Variants in TAFA2 observed in about 807,000 individuals in gnomAD.
TAFA2 encodes TAFA chemokine like family member 2.
Under a neutral mutation model 18.8 loss-of-function variants are expected in TAFA2, and 7 were observed. That is an observed-to-expected ratio of 0.37 (90% CI 0.21 to 0.70). The LOEUF is 0.70. TAFA2 is among the 30% of genes least tolerant of loss of function. The pLI, the probability that TAFA2 is intolerant of heterozygous loss-of-function variation, is 0.53. For missense variants in TAFA2, 122 were observed against 158.1 expected, an observed-to-expected ratio of 0.77 and a Z score of 1.23; for synonymous variants, 60 against 54.2, an observed-to-expected ratio of 1.11 and a Z score of -0.47.
At chr12:62,235,416 G>T in intron 1 of TAFA2, 1 of 655,300 alleles carries the variant, frequency 1.5e-6, no homozygotes, top group Non-Finnish European at 2.8e-6. Context: ...TTCAAGATGG[G>T]TGCTGAGTTC....
intron 1 of TAFA2, among the ~76,000 whole-genome samples, chr12:61,881,548 G>GA (rs1253341563): frequency 6.6e-6 from 1 of 152,242 alleles, no homozygotes; most frequent in Admixed American, 6.5e-5. Flanking sequence ...TGACTGTACA[G>GA]AAAAAACTGA....
intron 4 of TAFA2, among the ~76,000 whole-genome samples, chr12:61,743,983 T>C (rs1868577964): frequency 6.6e-6 from 1 of 152,034 alleles, no homozygotes; most frequent in East Asian, 1.9e-4. Flanking sequence ...TCCTACGAGG[T>C]GCCATTTTTC....
At chr12:61,819,249 T>C (rs1347087033) in intron 2 of TAFA2, among the ~76,000 whole-genome samples, 2 of 152,188 alleles carry the variant, frequency 1.3e-5, no homozygotes, top group Non-Finnish European at 2.9e-5. Context: ...GTTTTCAAAA[T>C]CTGATACTTA....
At chr12:61,789,023 C>T (rs192503977) in intron 2 of TAFA2, among the ~76,000 whole-genome samples, 5 of 151,756 alleles carry the variant, frequency 3.3e-5, no homozygotes, top group Admixed American at 2.6e-4. Context: ...GTTTAAGTTC[C>T]TTGTAGATTC....
At chr12:62,184,693 G>T (rs575567224) in intron 1 of TAFA2, among the ~76,000 whole-genome samples, 1 of 151,244 alleles carries the variant, frequency 6.6e-6, no homozygotes, top group South Asian at 2.1e-4. Flanking sequence ...TAAAGGCAGG[G>T]TTTCATCATG....
chr12:61,855,400 C>A (rs1220105327), intron 2 of TAFA2, among the ~76,000 whole-genome samples: 1 of 152,138 alleles, frequency 6.6e-6, no homozygotes, highest in African/African-American at 2.4e-5. Flanking sequence ...ACTGTAGCCA[C>A]CCTGTTTCAT....
At chr12:62,030,316 T>A (rs1881423186) in intron 1 of TAFA2, among the ~76,000 whole-genome samples, 1 of 151,644 alleles carries the variant, frequency 6.6e-6, no homozygotes, top group Non-Finnish European at 1.5e-5. Context: ...GAACTGGGAG[T>A]GTGTAAGAAG....
chr12:61,929,333 A>G (rs1449456352), intron 1 of TAFA2, among the ~76,000 whole-genome samples: 1 of 152,154 alleles, frequency 6.6e-6, no homozygotes, highest in Non-Finnish European at 1.5e-5. Flanking sequence ...CCCCATCAAC[A>G]AGTGGGCGAA....
chr12:62,027,531 T>G (rs1346055013), intron 1 of TAFA2, among the ~76,000 whole-genome samples: 2 of 152,156 alleles, frequency 1.3e-5, no homozygotes, highest in Non-Finnish European at 2.9e-5. Context: ...TTAAAATTTG[T>G]GTAGCACCTT....
chr12:61,712,070 A>T (rs1053231705), intron 4 of TAFA2, among the ~76,000 whole-genome samples: 5 of 151,998 alleles, frequency 3.3e-5, no homozygotes, highest in African/African-American at 4.8e-5. Context: ...TAAAAGATGG[A>T]GAGAGGAAAT....
chr12:62,177,345 G>C (rs976282314), intron 1 of TAFA2, among the ~76,000 whole-genome samples: 2 of 152,214 alleles, frequency 1.3e-5, no homozygotes, highest in African/African-American at 4.8e-5. Flanking sequence ...TGGACTTCAT[G>C]GTCTATGAGG....
At chr12:62,227,990 A>G (rs545520429) in intron 1 of TAFA2, among the ~76,000 whole-genome samples, 1 of 152,062 alleles carries the variant, frequency 6.6e-6, no homozygotes, top group East Asian at 1.9e-4. Flanking sequence ...TGTGGGTGCC[A>G]TGTTGTTTTG....
At chr12:62,130,099 C>T (rs1044385490) in intron 1 of TAFA2, among the ~76,000 whole-genome samples, 2 of 152,112 alleles carry the variant, frequency 1.3e-5, no homozygotes, top group South Asian at 2.1e-4. Flanking sequence ...TACCTTTTAG[C>T]AGCTATTTTT....
intron 1 of TAFA2, among the ~76,000 whole-genome samples, chr12:62,032,153 G>A (rs537561941): frequency 6.6e-6 from 1 of 152,286 alleles, no homozygotes; most frequent in East Asian, 1.9e-4. Context: ...AGATCACGGT[G>A]AATGATGAAT....
At chr12:61,982,611 A>G (rs1395423222) in intron 1 of TAFA2, among the ~76,000 whole-genome samples, 2 of 152,124 alleles carry the variant, frequency 1.3e-5, no homozygotes, top group Admixed American at 6.5e-5. Context: ...CATGTTAAAC[A>G]TGGATCTTTC....
intron 1 of TAFA2, chr12:62,021,433 C>A: frequency 5.7e-5 from 26 of 458,976 alleles, no homozygotes; most frequent in Non-Finnish European, 7.8e-5. Flanking sequence ...CTCACCCCCT[C>A]CCACCCTTTC....
chr12:61,880,339 G>A, intron 1 of TAFA2: 1 of 493,092 alleles, frequency 2.0e-6, no homozygotes, highest in East Asian at 5.7e-5. Context: ...CAGATGCCGA[G>A]AAGCGCAGGG....
chr12:62,025,675 T>C (rs541338678), intron 1 of TAFA2, among the ~76,000 whole-genome samples: 6 of 152,214 alleles, frequency 3.9e-5, no homozygotes, highest in African/African-American at 1.4e-4. Flanking sequence ...TAATAAACTC[T>C]GTTTTAACTT....
At chr12:62,021,815 T>C in intron 1 of TAFA2, 2 of 858,752 alleles carry the variant, frequency 2.3e-6, no homozygotes, top group South Asian at 2.6e-5. Context: ...TAACACGGTC[T>C]CCGCTGTGGA....
Sources: allele counts gnomAD v4.1 joint callset (sites outside exome capture counted in the v4.1 genomes callset), GRCh38; gene constraint gnomAD v4.1.1; transcripts MANE v1.5; gene names NCBI Gene and HGNC (gene_info 2026-07-23, HGNC 2026-07-21).